Variants in NPSR1 observed in about 807,000 individuals in gnomAD.
NPSR1 encodes the protein neuropeptide S receptor.
NPSR1 carries 48 observed loss-of-function variants against 46.9 expected under a neutral mutation model. The observed-to-expected ratio is 1.02, with a 90% CI of 0.81 to 1.30. NPSR1 has a LOEUF of 1.30. NPSR1 is among the 50% of genes most tolerant of loss of function. The probability of loss-of-function intolerance (pLI) is 0.00; values close to 1 mark genes in which losing one functional copy is unlikely to be tolerated. For synonymous variants in NPSR1, 176 were observed against 168.1 expected, an observed-to-expected ratio of 1.05 and a Z score of -0.36; for missense variants, 450 against 449.5, an observed-to-expected ratio of 1.00 and a Z score of -0.01.
At chr7:34,690,482 T>A (rs1793192512) in intron 2 of NPSR1, among the ~76,000 whole-genome samples, 1 of 151,822 alleles carries the variant, frequency 6.6e-6, no homozygotes, top group Non-Finnish European at 1.5e-5. Flanking sequence ...AAGAAAAAAT[T>A]GAAAACCAAC....
At chr7:34,734,019 A>T (rs1243938759) in intron 2 of NPSR1, among the ~76,000 whole-genome samples, 2 of 152,174 alleles carry the variant, frequency 1.3e-5, no homozygotes, top group Non-Finnish European at 2.9e-5. Context: ...ACAGAATCAG[A>T]TTGGTGTTTT....
intron 4 of NPSR1, among the ~76,000 whole-genome samples, chr7:34,818,764 A>G (rs922177759): frequency 5.3e-5 from 8 of 152,124 alleles, no homozygotes; most frequent in Non-Finnish European, 1.2e-4. Context: ...ACATAACACC[A>G]CACTTCTACA....
chr7:34,684,722 G>A (rs1583803829), intron 2 of NPSR1, 38 bp downstream of exon 2: 1 of 1,547,502 alleles, frequency 6.5e-7, no homozygotes, highest in Non-Finnish European at 8.7e-7. Context: ...GAAGCTATAT[G>A]TGAAGTCCCT....
At chr7:34,864,861 C>G (rs571914597) in intron 8 of NPSR1, among the ~76,000 whole-genome samples, 107 of 152,012 alleles carry the variant, frequency 7.0e-4, no homozygotes, top group Non-Finnish European at 1.8e-4. Context: ...GTGGCATAAA[C>G]AGCTACTGTT....
rs576313111 is a variant in NPSR1, at chr7:34,849,243, A to G, written c.1026-322A>G. On this transcript the variant is annotated intron_variant, in intron 8 of 8. Coordinates refer to ENST00000360581, the MANE Select transcript of NPSR1 (RefSeq NM_207172.2). ...CAGTGGTTGAAGTTTATATCTTGCC[A>G]TTGTTTATTCGTAGCGATGTGTGAC... The G allele has an allele frequency of 1.1e-4, 97 of 908,016 alleles. 1 individual carries two copies. The South Asian group carries it at 1.3e-3, about 12-fold the overall frequency. The allele number at this position is 908,016 out of a possible 1,614,324, so 56.2% of individuals were successfully genotyped here. A position where few individuals can be genotyped will look rare whatever the true frequency, so the allele number is the denominator to read the frequency against.
intron 1 of NPSR1, among the ~76,000 whole-genome samples, chr7:34,665,412 G>A (rs1481892043): frequency 6.6e-6 from 1 of 152,184 alleles, no homozygotes; most frequent in Non-Finnish European, 1.5e-5. Context: ...AACGCCCCCA[G>A]GGTCGAGGGT....
intron 3 of NPSR1, among the ~76,000 whole-genome samples, chr7:34,785,030 G>A (rs1787396619): frequency 6.6e-6 from 1 of 151,860 alleles, no homozygotes; most frequent in Non-Finnish European, 1.5e-5. Context: ...CCCATTACTG[G>A]GTATTTACCC....
chr7:34,824,242 G>A (rs1789718995), intron 4 of NPSR1, among the ~76,000 whole-genome samples: 1 of 152,100 alleles, frequency 6.6e-6, no homozygotes, highest in Non-Finnish European at 1.5e-5. Flanking sequence ...TAATCAATGT[G>A]TGTAACTTAT....
chr7:34,827,650 G>GGC, intron 5 of NPSR1, 48 bp downstream of exon 5: 1 of 612,070 alleles, frequency 1.6e-6, no homozygotes, highest in Non-Finnish European at 2.9e-6. Context: ...GGGCGGGGGG[G>GGC]GCTTTCCTGT....
intron 8 of NPSR1, among the ~76,000 whole-genome samples, chr7:34,858,836 A>G (rs995108193): frequency 6.6e-6 from 1 of 151,776 alleles, no homozygotes; most frequent in African/African-American, 2.4e-5. Flanking sequence ...AACATGTGGG[A>G]ATTATGGGAG....
At chr7:34,693,047 G>T (rs990449891) in intron 2 of NPSR1, among the ~76,000 whole-genome samples, 1 of 152,142 alleles carries the variant, frequency 6.6e-6, no homozygotes, top group Non-Finnish European at 1.5e-5. Context: ...TAGTGAATGA[G>T]CTTTTGTGAG....
chr7:34,728,759 T>C (rs1396535916), intron 2 of NPSR1: 1 of 152,710 alleles, frequency 6.5e-6, no homozygotes, highest in Non-Finnish European at 1.5e-5. Context: ...CACAAGAAAC[T>C]GATGGGCATG....
chr7:34,687,345 G>C (rs1201081937), intron 2 of NPSR1, among the ~76,000 whole-genome samples: 1 of 152,138 alleles, frequency 6.6e-6, no homozygotes, highest in Non-Finnish European at 1.5e-5. Flanking sequence ...TGTTGTATTA[G>C]TCTGTTCTCA....
intron 8 of NPSR1, 177 bp from the exon 9 acceptor site, chr7:34,849,388 G>C (rs1562772145): frequency 6.4e-7 from 1 of 1,553,596 alleles, no homozygotes; most frequent in Admixed American, 2.0e-5. Flanking sequence ...GTGCTGACCA[G>C]TGAGAAGGAG....
chr7:34,726,319 A>G (rs1784148496), intron 2 of NPSR1, among the ~76,000 whole-genome samples: 1 of 152,218 alleles, frequency 6.6e-6, no homozygotes, highest in Non-Finnish European at 1.5e-5. Flanking sequence ...ATAGCACTAC[A>G]CATCTTTTAG....
chr7:34,694,098 G>A lies in NPSR1; in HGVS notation c.280+9414G>A, dbSNP rs146434549. Among the ~76,000 whole-genome samples, 578 of 152,174 alleles carry A rather than the reference G, an allele frequency of 3.8e-3. 1 individual carries two copies. The highest frequency in any genetic ancestry group is 0.013 in the African/African-American group (547 of 41,518). ...TCCCTAAAAACTGGAACACAATGAG[G>A]ATGTCCACATTCACCACTCCTATTC... is the stretch of plus-strand genomic sequence containing the variant. On this transcript the variant is annotated intron_variant, in intron 2 of 8. Transcript: ENST00000360581.
At chr7:34,725,302 C>T (rs1162850445) in intron 2 of NPSR1, among the ~76,000 whole-genome samples, 1 of 152,176 alleles carries the variant, frequency 6.6e-6, no homozygotes, top group Admixed American at 6.5e-5. Context: ...TGTCACAATG[C>T]TTGTCTGAAT....
chr7:34,853,657 C>G (rs12155367), downstream of NPSR1, among the ~76,000 whole-genome samples: 27,306 of 152,098 alleles, frequency 0.18, 2,732 homozygotes, highest in Non-Finnish European at 0.24. Context: ...AAGGAGGTGA[C>G]TCAATATTAA....
rs869170591 is a variant in NPSR1, at chr7:34,689,604, CAAAAAAAAAAAAAAAAAAA to C, written c.280+4932_280+4950del. ...TGGATGACAGAGCCAGACTCTGTCTCAAAAAAAAAAAAAAAAAAAAAAAAAAAAAAGAAAAGAAAAGAAA... is the reference window on the plus strand; with the variant it reads ...TGGATGACAGAGCCAGACTCTGTCTCAAAAAAAAAAAGAAAAGAAAAGAAA... On this transcript the variant is annotated intron_variant, in intron 2 of 8. Transcript: ENST00000360581. 5.5e-5 allele frequency among the ~76,000 whole-genome samples: 2 copies of C among 36,676 alleles called. 1 individual carries two copies. The highest frequency in any genetic ancestry group is 2.1e-4 in the African/African-American group (2 of 9,640). The allele number at this position is 36,676 out of a possible 152,430, so 24.1% of individuals were successfully genotyped here. A position where few individuals can be genotyped will look rare whatever the true frequency, so the allele number is the denominator to read the frequency against.
Sources: allele counts gnomAD v4.1 joint callset (sites outside exome capture counted in the v4.1 genomes callset), GRCh38; gene constraint gnomAD v4.1.1; transcripts MANE v1.5; gene names NCBI Gene and HGNC (gene_info 2026-07-23, HGNC 2026-07-21).